The following LSR variants were observed in gnomAD, a reference collection of about 807,000 sequenced individuals.
LSR encodes lipolysis stimulated lipoprotein receptor.
LSR carries 44 observed loss-of-function variants against 61.8 expected under a neutral mutation model. The observed-to-expected ratio is 0.71, with a 90% confidence interval of 0.56 to 0.91. The LOEUF is 0.91. Among genes scored for constraint, LSR ranks in the 40% least tolerant of loss-of-function variants. The pLI is 0.00. For missense variants in LSR, 911 were observed against 830.5 expected (o/e 1.10, Z -1.19); for synonymous variants, 397 against 350.6 (o/e 1.13, Z -1.48).
intron 5 of LSR, chr19:35,262,990 C>A (rs1007803338): frequency 1.9e-5 from 6 of 314,040 alleles, no homozygotes; most frequent in East Asian, 6.3e-5. Context: ...TCTAAAAAAA[C>A]CAAATCTTGG....
intron 3 of LSR, among the ~76,000 whole-genome samples, chr19:35,261,308 AAT>A (rs1017776142): frequency 3.3e-5 from 5 of 152,242 alleles, no homozygotes; most frequent in African/African-American, 1.2e-4. Flanking sequence ...TTTTAAAAAA[AAT>A]GTGTGATTAT....
At chr19:35,250,073 G>A (rs1392233107) in intron 1 of LSR, among the ~76,000 whole-genome samples, 1 of 152,152 alleles carries the variant, frequency 6.6e-6, no homozygotes, top group Non-Finnish European at 1.5e-5. Context: ...GAAGAGGGAT[G>A]GCGGGCGAGT....
intron 2 of LSR, among the ~76,000 whole-genome samples, chr19:35,256,683 G>GT (rs1468491946): frequency 6.7e-6 from 1 of 150,308 alleles, no homozygotes; most frequent in Non-Finnish European, 1.5e-5. Flanking sequence ...GTGGTACTCA[G>GT]TAATTATTGT....
At chr19:35,258,845 C>A in intron 2 of LSR, 100 bp from the exon 3 acceptor site, 1 of 1,479,686 alleles carries the variant, frequency 6.8e-7, no homozygotes, top group Non-Finnish European at 9.4e-7. Flanking sequence ...CAGCCCACTG[C>A]TTGCCCCCTC....
intron 5 of LSR, among the ~76,000 whole-genome samples, chr19:35,265,469 A>T (rs542700805): frequency 2.7e-4 from 41 of 152,312 alleles, no homozygotes; most frequent in African/African-American, 8.4e-4. Context: ...TGCCTGAGCT[A>T]ATGAAGGGGC....
Position 35,267,095 on chromosome 19 carries a change from C to T in LSR, c.1145-14C>T. On this transcript the variant is annotated splice_polypyrimidine_tract_variant and intron_variant, in intron 8 of 9. Coordinates refer to ENST00000605618, the MANE Select transcript of LSR (RefSeq NM_205834.4). Reference sequence around the variant, plus strand: ...GGCTCCTCCAGCAGTCAGTGACACCCCCCTTCCCTGCAGCCATGAGTGAAG... The same window carrying T: ...GGCTCCTCCAGCAGTCAGTGACACCTCCCTTCCCTGCAGCCATGAGTGAAG... 6.6e-7 allele frequency: 1 copy of T among 1,525,730 alleles called. No homozygotes were observed. The allele number at this position is 1,525,730 out of a possible 1,614,324, so 94.5% of individuals were successfully genotyped here. A position where few individuals can be genotyped will look rare whatever the true frequency, so the allele number is the denominator to read the frequency against.
chr19:35,257,393 C>T (rs1599596337), intron 2 of LSR, among the ~76,000 whole-genome samples: 1 of 152,116 alleles, frequency 6.6e-6, no homozygotes, highest in Admixed American at 6.6e-5. Context: ...AGCTAGAGAC[C>T]ACGTCGTGCC....
chr19:35,267,535 G>T lies in LSR; in HGVS notation c.1571G>T (p.Arg524Leu). The change falls in exon 9 of 10, where the codon CGG becomes CTG. Residue 524 changes from arginine to leucine, a missense_variant. By Grantham distance (102) the Arg-to-Leu change is moderately radical. Coordinates refer to ENST00000605618, the MANE Select transcript of LSR (RefSeq NM_205834.4). ...ADPRSHHHRT[R>L]DPRDNGSRSG... is the part of the protein sequence containing the mutation. ...CCCAGGTCCCACCACCACCGTACCCGGGACCCTCGGGACAACGGCTCCAGG... is the reference window on the plus strand; with the variant it reads ...CCCAGGTCCCACCACCACCGTACCCTGGACCCTCGGGACAACGGCTCCAGG... 3 of 1,612,076 alleles carry T rather than the reference G, an allele frequency of 1.9e-6. No individual in the cohort carries two copies. In the South Asian group the frequency reaches 3.3e-5, roughly 18 times the overall value.
intron 9 of LSR, 22 bp from the exon 10 acceptor site, chr19:35,267,802 C>T (rs773032444): frequency 6.2e-7 from 1 of 1,614,050 alleles, no homozygotes; most frequent in South Asian, 1.1e-5. Flanking sequence ...GGCTCATACC[C>T]TTCTTTCTTT....
At chr19:35,254,504 G>T (rs538045100) in intron 2 of LSR, among the ~76,000 whole-genome samples, 37 of 152,290 alleles carry the variant, frequency 2.4e-4, no homozygotes, top group African/African-American at 8.7e-4. Context: ...TCCATGCTTT[G>T]GGTGATGGAC....
Position 35,258,987 on chromosome 19 carries a change from G to A in LSR, c.497G>A (p.Gly166Asp), listed in dbSNP as rs2065890481. The change falls in exon 3 of 10, where the codon GGT becomes GAT. Residue 166 changes from glycine (G) to aspartate (D), a missense_variant. Transcript: ENST00000605618. The stretch of plus-strand genomic sequence containing the variant: ...GACCAGACGGCGTGGGGGGACAGTG[G>A]TGTGTATTACTGCTCCGTGGTCTCA... ...TFDQTAWGDSGVYYCSVVSAQ... is the reference protein window; with the variant it reads ...TFDQTAWGDSDVYYCSVVSAQ... The A allele has an allele frequency of 6.2e-7, 1 of 1,614,038 alleles. No homozygotes were observed. Among genetic ancestry groups the A allele is most frequent in the South Asian group, 1.1e-5 (1 of 91,088 alleles).
Position 35,266,410 on chromosome 19 carries a change from C to T in LSR, c.830C>T (p.Pro277Leu). The T allele has an allele frequency of 6.2e-7, 1 of 1,610,672 alleles. No individual in the cohort carries two copies. Among genetic ancestry groups the T allele is most frequent in the Non-Finnish European group, 8.5e-7 (1 of 1,178,134 alleles). Reference protein sequence around the residue: ...ATSGVPSIYAPSTYAHLSPAK... With the variant: ...ATSGVPSIYALSTYAHLSPAK... ...TCAGGTGTTCCCAGCATTTATGCCC[C>T]CAGCACCTATGCCCACCTGTCTCCC... Residue 277 changes from proline (P) to leucine (L), a missense_variant, in exon 6 of 10, where the codon CCC becomes CTC. Physicochemically the swap from Pro to Leu is moderately conservative, Grantham distance 98 (BLOSUM62 -3). Transcript: ENST00000605618.
In LSR at chr19:35,262,000, G is replaced by T; in HGVS notation, c.631+19G>T. The T allele has an allele frequency of 6.6e-7, 1 of 1,522,292 alleles. No homozygotes were observed. The highest frequency in any genetic ancestry group is 8.7e-7 in the Non-Finnish European group (1 of 1,146,182). 94.3% of individuals were successfully genotyped at this position (1,522,292 alleles called of 1,614,324 possible). On this transcript the variant is annotated intron_variant, in intron 4 of 9. Transcript: ENST00000605618. ...ATAGAAGGTACGGGGGGTGGATCCTGAGTTGGGCTTCTCGGGAGCTCCCAT... is the reference window on the plus strand; with the variant it reads ...ATAGAAGGTACGGGGGGTGGATCCTTAGTTGGGCTTCTCGGGAGCTCCCAT...
rs539828355 is a variant in LSR, at chr19:35,262,968, G to A, written c.778+276G>A. On this transcript the variant is annotated intron_variant, in intron 5 of 9. Transcript: ENST00000605618. ...AACAGTACAAGATACTAGTCACATG[G>A]AAGTAAAGCCCTCTAAAAAAACCAA... 7.9e-6 allele frequency: 3 copies of A among 378,582 alleles called. No individual in the cohort carries two copies. The South Asian group carries it at 1.5e-4, about 19-fold the overall frequency. The allele number at this position is 378,582 out of a possible 1,614,324, so 23.5% of individuals were successfully genotyped here.
rs780522833 is a variant in LSR at position 35,266,488 on chromosome 19, G to A, written c.908G>A (p.Gly303Glu). 10 of 1,611,970 alleles carry A rather than the reference G, an allele frequency of 6.2e-6. No homozygotes were observed. The East Asian group carries it at 2.2e-4, about 36-fold the overall frequency. ...AMIPMGPAYN[G>E]YPGGYPGDVD... is the part of the protein sequence containing the mutation. ...ATTCCCATGGGCCCTGCCTACAACGGGTACCCTGGAGGATACCCTGGAGAC... is the reference window on the plus strand; with the variant it reads ...ATTCCCATGGGCCCTGCCTACAACGAGTACCCTGGAGGATACCCTGGAGAC... The change falls in exon 6 of 10, where the codon GGG becomes GAG. Residue 303 changes from glycine to glutamate, a missense_variant. By Grantham distance (98) the Gly-to-Glu change is moderately conservative (BLOSUM62 -2). Coordinates refer to ENST00000605618, the MANE Select transcript of LSR (RefSeq NM_205834.4).
intron 2 of LSR, among the ~76,000 whole-genome samples, chr19:35,254,830 G>A (rs2065837640): frequency 6.6e-6 from 1 of 152,136 alleles, no homozygotes; most frequent in Non-Finnish European, 1.5e-5. Flanking sequence ...CCTTAGGATG[G>A]ATCAAAAGAA....
chr19:35,261,908 C>G lies in LSR; in HGVS notation c.575-17C>G. ...TGGCTCTGGCCAGCATAATCTGTTT[C>G]TCTTTTGTCCCTCCAGGGAGGACCT... On this transcript the variant is annotated splice_polypyrimidine_tract_variant and intron_variant, in intron 3 of 9. Transcript: ENST00000605618. 1 of 1,443,516 alleles carries G rather than the reference C, an allele frequency of 6.9e-7. No homozygotes were observed. Among genetic ancestry groups the G allele is most frequent in the Non-Finnish European group, 9.1e-7 (1 of 1,097,936 alleles). 89.4% of individuals were successfully genotyped at this position (1,443,516 alleles called of 1,614,324 possible).
chr19:35,250,760 G>A (rs969196939), intron 2 of LSR, 101 bp downstream of exon 2: 1 of 848,152 alleles, frequency 1.2e-6, no homozygotes, highest in Non-Finnish European at 1.8e-6. Context: ...GCTCTTGAGT[G>A]CCAGTGTCTG....
At chr19:35,259,449 G>T (rs1349093809) in intron 3 of LSR, 3 of 171,360 alleles carry the variant, frequency 1.8e-5, no homozygotes, top group Non-Finnish European at 1.3e-5. Flanking sequence ...AGACTAGCCT[G>T]GCCAACGTGG....
Sources: gnomAD v4.1 joint callset for allele counts (sites outside exome capture counted in the v4.1 genomes callset) on GRCh38, gnomAD v4.1.1 for gene constraint, MANE v1.5 for transcripts, NCBI Gene and HGNC (gene_info 2026-07-23, HGNC 2026-07-21) for gene names.